ACYP2: variants seen among roughly 807,000 people sequenced by gnomAD.
The protein encoded by ACYP2 is acylphosphatase-2.
In ACYP2, 12 loss-of-function variants were observed where a neutral mutation model predicts 11.2. That is an observed-to-expected ratio of 1.08 (90% CI 0.69 to 1.74). ACYP2 has a LOEUF of 1.74. ACYP2 is among the 40% of genes most tolerant of loss of function. The pLI, the probability that ACYP2 is intolerant of heterozygous loss-of-function variation, is 0.00. For synonymous variants in ACYP2, 43 were observed against 32.2 expected (o/e 1.33, Z -1.13); for missense variants, 134 against 101.9 (o/e 1.31, Z -1.35).
At chr2:54,255,465 C>G in intron 6 of ACYP2, 1 of 1,614,028 alleles carries the variant, frequency 6.2e-7, no homozygotes, top group Non-Finnish European at 8.5e-7. Flanking sequence ...TCTGCCCAAA[C>G]CTGCGCTCCA....
At chr2:54,006,391 C>T (rs1240077418) in intron 2 of ACYP2, among the ~76,000 whole-genome samples, 1 of 152,122 alleles carries the variant, frequency 6.6e-6, no homozygotes, top group Non-Finnish European at 1.5e-5. Context: ...AGGTGATCCA[C>T]CCGCCTCGGC....
At chr2:54,165,490 G>GTC (rs1265807046) in intron 6 of ACYP2, among the ~76,000 whole-genome samples, 1 of 142,464 alleles carries the variant, frequency 7.0e-6, no homozygotes, top group Non-Finnish European at 1.5e-5. Flanking sequence ...GTGTGTGTCT[G>GTC]TCTCTCTCTG....
intron 2 of ACYP2, among the ~76,000 whole-genome samples, chr2:54,002,506 C>G (rs898669240): frequency 4.6e-5 from 7 of 151,010 alleles, no homozygotes; most frequent in African/African-American, 1.5e-4. Flanking sequence ...CCACCATGCC[C>G]GGCTAATTTT....
rs200525113 is a variant in ACYP2, at chr2:54,255,474, C to T, written c.405-49214C>T. On this transcript the variant is annotated intron_variant, in intron 6 of 6. Transcript: ENST00000607452. ...CATGAATCTGCCCAAACCTGCGCTC[C>T]ACCTGCAGGAGCGCCCTGTCAGCCT... is the stretch of plus-strand genomic sequence containing the variant. The T allele has an allele frequency of 1.4e-4, 220 of 1,613,956 alleles. 1 individual carries two copies. Among genetic ancestry groups the T allele is most frequent in the Admixed American group, 2.3e-4 (14 of 60,004 alleles).
chr2:54,081,582 T>C (rs1185950041), intron 4 of ACYP2, among the ~76,000 whole-genome samples: 1 of 152,226 alleles, frequency 6.6e-6, no homozygotes, highest in Non-Finnish European at 1.5e-5. Context: ...TCTAGGTTTG[T>C]ATAAGCACAC....
At chr2:54,303,260 T>C (rs1573079261) in intron 6 of ACYP2, among the ~76,000 whole-genome samples, 1 of 151,984 alleles carries the variant, frequency 6.6e-6, no homozygotes, top group Admixed American at 6.6e-5. Context: ...CTGAGGCTGG[T>C]GGATTACTTG....
intron 4 of ACYP2, among the ~76,000 whole-genome samples, chr2:54,090,139 C>T (rs757045945): frequency 1.4e-4 from 20 of 141,744 alleles, no homozygotes; most frequent in East Asian, 2.2e-4. Context: ...AATGATACTC[C>T]GTCTCAAAAA....
chr2:54,304,649 T>A (rs1227152828), intron 6 of ACYP2, 39 bp from the exon 4 acceptor site: 4 of 1,474,448 alleles, frequency 2.7e-6, no homozygotes, highest in Non-Finnish European at 3.8e-6. Flanking sequence ...CATGTATACT[T>A]TGTATGCTAA....
At chr2:53,977,926 C>A (rs573827710) in intron 2 of ACYP2, among the ~76,000 whole-genome samples, 1 of 152,106 alleles carries the variant, frequency 6.6e-6, no homozygotes, top group East Asian at 1.9e-4. Flanking sequence ...TACAACCATT[C>A]CTGGCTGAGG....
intron 4 of ACYP2, chr2:54,082,809 C>G (rs1007992810): frequency 1.3e-5 from 2 of 152,212 alleles, no homozygotes; most frequent in African/African-American, 4.8e-5. Flanking sequence ...GGCACAGAGG[C>G]TCATGCCTGT....
intron 4 of ACYP2, among the ~76,000 whole-genome samples, chr2:54,124,885 C>T (rs962333489): frequency 6.6e-6 from 1 of 152,030 alleles, no homozygotes. Context: ...CATGTGCTAA[C>T]TAGAGGCATG....
At chr2:54,066,953 G>A (rs1163696107) in intron 4 of ACYP2, among the ~76,000 whole-genome samples, 1 of 152,186 alleles carries the variant, frequency 6.6e-6, no homozygotes, top group Non-Finnish European at 1.5e-5. Flanking sequence ...TCAACAGATG[G>A]AGTTTGAATC....
chr2:54,094,876 G>GT (rs979736300), intron 4 of ACYP2, among the ~76,000 whole-genome samples: 8 of 149,924 alleles, frequency 5.3e-5, no homozygotes, highest in East Asian at 1.9e-4. Flanking sequence ...TTTTTAATCT[G>GT]TTTTTTTTTA....
chr2:54,090,520 A>G (rs1678170625), intron 4 of ACYP2, among the ~76,000 whole-genome samples: 2 of 152,274 alleles, frequency 1.3e-5, no homozygotes, highest in Non-Finnish European at 2.9e-5. Flanking sequence ...ATTCCCAGCT[A>G]CTCAGGAGGC....
chr2:54,102,544 G>A (rs1168265555), intron 4 of ACYP2, among the ~76,000 whole-genome samples: 1 of 143,116 alleles, frequency 7.0e-6, no homozygotes, highest in Non-Finnish European at 1.5e-5. Context: ...AGGTCTAGAG[G>A]AACGAGACAT....
intron 6 of ACYP2, among the ~76,000 whole-genome samples, chr2:54,172,095 T>G (rs984684212): frequency 6.6e-5 from 10 of 152,120 alleles, no homozygotes; most frequent in African/African-American, 2.4e-4. Context: ...GATGTGTCTG[T>G]AGTCTCAGCT....
chr2:54,183,711 T>A (rs1683846106), intron 6 of ACYP2, among the ~76,000 whole-genome samples: 1 of 152,370 alleles, frequency 6.6e-6, no homozygotes, highest in African/African-American at 2.4e-5. Flanking sequence ...ATGTCATTTA[T>A]CTTCTAAGAT....
chr2:54,201,696 CTCT>C (rs1386690197), intron 6 of ACYP2, among the ~76,000 whole-genome samples: 3 of 113,360 alleles, frequency 2.6e-5, no homozygotes, highest in East Asian at 2.4e-4. Flanking sequence ...CTCTCTCTCT[CTCT>C]TTTTTCTTTT....
At chr2:54,284,963 C>T (rs843723) in intron 6 of ACYP2, among the ~76,000 whole-genome samples, 80,328 of 152,058 alleles carry the variant, frequency 0.53, 22,421 homozygotes, top group African/African-American at 0.7. Flanking sequence ...TGTAACAGAA[C>T]ACCATAGACT....
Sources: allele counts gnomAD v4.1 joint callset (sites outside exome capture counted in the v4.1 genomes callset), GRCh38; gene constraint gnomAD v4.1.1; transcripts MANE v1.5; gene names NCBI Gene and HGNC (gene_info 2026-07-23, HGNC 2026-07-21).